MCHR2: variants seen among roughly 807,000 people sequenced by gnomAD.
The protein encoded by MCHR2 is melanin concentrating hormone receptor 2, also known as melanin-concentrating hormone receptor 2.
A neutral mutation model predicts 24.8 loss-of-function variants in MCHR2; 15 were observed. The observed-to-expected ratio is 0.60, with a 90% CI of 0.40 to 0.93. The LOEUF (loss-of-function observed/expected upper bound fraction) is 0.93. MCHR2 is among the 40% of genes least tolerant of loss of function. MCHR2 has a pLI of 0.00. For missense variants in MCHR2, 386 were observed against 408.7 expected (o/e 0.94, Z 0.48); for synonymous variants, 151 against 147.6 (o/e 1.02, Z -0.17).
chr6:99,942,125 C>T (rs1774782437), intron 4 of MCHR2, among the ~76,000 whole-genome samples: 1 of 152,150 alleles, frequency 6.6e-6, no homozygotes, highest in Non-Finnish European at 1.5e-5. Context: ...TATAAAACGG[C>T]TATGGTAGTT....
intron 1 of MCHR2, among the ~76,000 whole-genome samples, chr6:99,979,272 C>T (rs149883519): frequency 6.6e-6 from 1 of 152,174 alleles, no homozygotes; most frequent in Non-Finnish European, 1.5e-5. Flanking sequence ...AGGAAAGAAT[C>T]TGTCCCAGCC....
At position 99,932,010 on chromosome 6, in the gene MCHR2, T is replaced by C. The variant is rs528933115; in HGVS notation, c.707+2388A>G. Among the ~76,000 whole-genome samples, 411 of 152,304 alleles carry C rather than the reference T, an allele frequency of 2.7e-3. 2 individuals are homozygous for C. The highest frequency in any genetic ancestry group is 9.5e-3 in the African/African-American group (394 of 41,566). On this transcript the variant is annotated intron_variant, in intron 5 of 5. Coordinates refer to ENST00000281806, the MANE Select transcript of MCHR2 (RefSeq NM_001040179.2). ...TCCCTCCATGTCCTTTTATTTCTGA[T>C]TGAAGTTCTCCCTTTAGAATTTCTT...
chr6:99,940,051 T>C (rs968256854), intron 4 of MCHR2, among the ~76,000 whole-genome samples: 24 of 151,934 alleles, frequency 1.6e-4, no homozygotes, highest in African/African-American at 5.8e-4. Flanking sequence ...GTTTATTATA[T>C]GCCTTGGGGT....
intron 1 of MCHR2, among the ~76,000 whole-genome samples, chr6:99,962,247 T>C (rs984935175): frequency 5.9e-5 from 9 of 152,138 alleles, no homozygotes; most frequent in Admixed American, 1.3e-4. Flanking sequence ...GCAGCGAGGA[T>C]ATGGTAGATA....
intron 1 of MCHR2, among the ~76,000 whole-genome samples, chr6:99,987,401 G>A (rs966051796): frequency 1.3e-5 from 2 of 151,840 alleles, no homozygotes; most frequent in Admixed American, 6.6e-5. Context: ...TTTTGGATAG[G>A]TATGTAATTA....
intron 1 of MCHR2, among the ~76,000 whole-genome samples, chr6:99,984,930 A>G (rs1335854431): frequency 6.6e-6 from 1 of 152,140 alleles, no homozygotes; most frequent in Non-Finnish European, 1.5e-5. Context: ...AGAGAACCCT[A>G]AGGACTCCTT....
At chr6:99,989,050 A>G (rs1775818862) in intron 1 of MCHR2, among the ~76,000 whole-genome samples, 4 of 152,192 alleles carry the variant, frequency 2.6e-5, no homozygotes, top group Admixed American at 2.6e-4. Flanking sequence ...TATGACTCCT[A>G]TGAGAAAAAT....
intron 5 of MCHR2, among the ~76,000 whole-genome samples, chr6:99,924,072 C>A (rs1378477416): frequency 1.3e-5 from 2 of 151,986 alleles, no homozygotes; most frequent in Non-Finnish European, 2.9e-5. Flanking sequence ...TTAATTATGG[C>A]TTTGATCTTG....
At chr6:99,988,906 G>A (rs984228865) in intron 1 of MCHR2, among the ~76,000 whole-genome samples, 9 of 152,142 alleles carry the variant, frequency 5.9e-5, no homozygotes, top group African/African-American at 2.2e-4. Context: ...TGGCCATCAG[G>A]TAGTATTTAT....
intron 1 of MCHR2, among the ~76,000 whole-genome samples, chr6:99,973,445 G>A (rs1164629848): frequency 2.6e-5 from 4 of 151,994 alleles, no homozygotes; most frequent in Non-Finnish European, 5.9e-5. Context: ...TTCATTTTGA[G>A]CCTATGTGTG....
At chr6:99,969,166 C>T (rs1400552657) in intron 1 of MCHR2, among the ~76,000 whole-genome samples, 2 of 152,034 alleles carry the variant, frequency 1.3e-5, no homozygotes, top group African/African-American at 4.8e-5. Flanking sequence ...AATTTTTCAG[C>T]CATCTAACGT....
At chr6:99,938,108 G>A (rs1027210640) in intron 4 of MCHR2, among the ~76,000 whole-genome samples, 8 of 151,700 alleles carry the variant, frequency 5.3e-5, no homozygotes, top group Non-Finnish European at 1.2e-4. Context: ...TCTTAGTCTA[G>A]CTAAAGGTTT....
At chr6:99,959,165 A>G (rs1005299799) in intron 1 of MCHR2, among the ~76,000 whole-genome samples, 1 of 152,140 alleles carries the variant, frequency 6.6e-6, no homozygotes, top group African/African-American at 2.4e-5. Context: ...CTGGAAGGCC[A>G]CTGGGAACAA....
intron 1 of MCHR2, among the ~76,000 whole-genome samples, chr6:99,974,153 G>T (rs1242690213): frequency 1.3e-5 from 2 of 152,190 alleles, no homozygotes; most frequent in South Asian, 4.1e-4. Flanking sequence ...CCTGCAGAGT[G>T]TTTTCCAGCT....
chr6:99,975,290 A>G (rs1775525422), intron 1 of MCHR2, among the ~76,000 whole-genome samples: 2 of 152,084 alleles, frequency 1.3e-5, no homozygotes, highest in South Asian at 4.2e-4. Context: ...CCCTTCCCCC[A>G]GTCTCGCTGC....
intron 5 of MCHR2, among the ~76,000 whole-genome samples, chr6:99,930,734 A>G (rs1774502145): frequency 6.6e-6 from 1 of 152,042 alleles, no homozygotes; most frequent in African/African-American, 2.4e-5. Flanking sequence ...CTAGTTATGC[A>G]TTCGTCTAAA....
At chr6:99,925,462 G>A (rs530272745) in intron 5 of MCHR2, among the ~76,000 whole-genome samples, 90 of 151,964 alleles carry the variant, frequency 5.9e-4, no homozygotes, top group African/African-American at 1.8e-3. Context: ...GTTGTTTTGC[G>A]TTCTCTTCCT....
Position 99,919,309 on chromosome 6 carries a change from A to C in MCHR2, c.*1631T>G, listed in dbSNP as rs1454323563. Among the ~76,000 whole-genome samples, 5 of 152,212 alleles carry C rather than the reference A, an allele frequency of 3.3e-5. No individual in the cohort carries two copies. Among genetic ancestry groups the C allele is most frequent in the Admixed American group, 6.5e-5 (1 of 15,276 alleles). ...TCCAGTTCTGAAATGGTGCCTAAAA[A>C]TTCTAGAGTAAAATAAATAGGGTTA... On this transcript the variant is annotated 3_prime_UTR_variant, in exon 6 of 6. Transcript: ENST00000281806.
intron 4 of MCHR2, among the ~76,000 whole-genome samples, chr6:99,937,918 A>C (rs144190751): frequency 1.3e-5 from 2 of 151,794 alleles, no homozygotes; most frequent in African/African-American, 4.8e-5. Context: ...TTATTTCCTC[A>C]TGGTTCAATC....
Sources: allele counts gnomAD v4.1 joint callset (sites outside exome capture counted in the v4.1 genomes callset), GRCh38; gene constraint gnomAD v4.1.1; transcripts MANE v1.5; gene names NCBI Gene and HGNC (gene_info 2026-07-23, HGNC 2026-07-21).